Variants in IGF2BP2 observed in about 807,000 individuals in gnomAD.
IGF2BP2 encodes the protein insulin like growth factor 2 mRNA binding protein 2.
Under a neutral mutation model 75.8 loss-of-function variants are expected in IGF2BP2, and 17 were observed. The observed-to-expected ratio is 0.22, with a 90% confidence interval of 0.15 to 0.34. The LOEUF (loss-of-function observed/expected upper bound fraction) is 0.34, where lower values mean the gene tolerates loss of function less well. Among genes scored for constraint, IGF2BP2 ranks in the 10% least tolerant of loss-of-function variants. The pLI is 1.00. For missense variants in IGF2BP2, 516 were observed against 772.4 expected (o/e 0.67, Z 3.93); for synonymous variants, 288 against 295.6 (o/e 0.97, Z 0.26).
intron 2 of IGF2BP2, among the ~76,000 whole-genome samples, chr3:185,802,189 G>A (rs1217616188): frequency 6.6e-6 from 1 of 151,264 alleles, no homozygotes; most frequent in Non-Finnish European, 1.5e-5. Context: ...AAAAAAAAAA[G>A]AAATCTGGAA....
chr3:185,730,363 C>G (rs182137887), intron 2 of IGF2BP2, among the ~76,000 whole-genome samples: 327 of 151,910 alleles, frequency 2.2e-3, no homozygotes, highest in African/African-American at 7.6e-3. Context: ...TTGATGGGCA[C>G]CCAGGTTGAT....
chr3:185,797,920 A>AT (rs1737656651), intron 2 of IGF2BP2, among the ~76,000 whole-genome samples: 2 of 127,626 alleles, frequency 1.6e-5, no homozygotes, highest in East Asian at 4.4e-4. Flanking sequence ...AAAAAAAAAA[A>AT]GCCGGGCGTG....
At chr3:185,709,220 A>G (rs139277190) in intron 2 of IGF2BP2, among the ~76,000 whole-genome samples, 19 of 152,246 alleles carry the variant, frequency 1.2e-4, no homozygotes, top group African/African-American at 4.6e-4. Flanking sequence ...AGAGGGTCAC[A>G]TGCCCAAACA....
At position 185,647,617 on chromosome 3, in the gene IGF2BP2, A is replaced by C. The variant is rs746040200; in HGVS notation, c.1594-479T>G. Among the ~76,000 whole-genome samples the C allele has an allele frequency of 1.2e-4, 19 of 152,066 alleles. No homozygotes were observed. The highest frequency in any genetic ancestry group is 1.3e-4 in the Admixed American group (2 of 15,258). Reference sequence around the variant, plus strand: ...CTCCTCGTTTTCACTCCTGCCGCCAAGACTTGCTCATGCTGTTCCTACCCT... The same window carrying C: ...CTCCTCGTTTTCACTCCTGCCGCCACGACTTGCTCATGCTGTTCCTACCCT... On this transcript the variant is annotated intron_variant, in intron 14 of 15. Transcript: ENST00000382199. The surrounding 1 kb of genome is among the most constrained non-coding windows in gnomAD (Gnocchi z 4.9).
intron 2 of IGF2BP2, among the ~76,000 whole-genome samples, chr3:185,787,691 C>T (rs1736085651): frequency 6.6e-6 from 1 of 151,854 alleles, no homozygotes; most frequent in African/African-American, 2.4e-5. Flanking sequence ...TAAGATCACA[C>T]CACTGCACTC....
At chr3:185,743,503 T>A (rs113858788) in intron 2 of IGF2BP2, among the ~76,000 whole-genome samples, 1 of 152,026 alleles carries the variant, frequency 6.6e-6, no homozygotes, top group South Asian at 2.1e-4. Flanking sequence ...CTCAAACTCC[T>A]GACCTCAGGT....
At chr3:185,661,758 T>C (rs941953552) in intron 10 of IGF2BP2, among the ~76,000 whole-genome samples, 2 of 151,900 alleles carry the variant, frequency 1.3e-5, no homozygotes, top group Non-Finnish European at 2.9e-5. Flanking sequence ...ATGGAGCTTG[T>C]GTTCTACCGG....
chr3:185,661,350 T>C (rs1365729212), intron 10 of IGF2BP2, among the ~76,000 whole-genome samples: 1 of 152,120 alleles, frequency 6.6e-6, no homozygotes, highest in Non-Finnish European at 1.5e-5. Context: ...TCAAAAGGCA[T>C]TTGAGGCTGG....
chr3:185,729,628 A>T (rs1294879179), intron 2 of IGF2BP2: 1 of 152,238 alleles, frequency 6.6e-6, no homozygotes, highest in Non-Finnish European at 1.5e-5. Flanking sequence ...CTGCATTAGT[A>T]AAAAATTTTA....
intron 10 of IGF2BP2, among the ~76,000 whole-genome samples, chr3:185,664,776 A>T (rs1717020975): frequency 6.6e-6 from 1 of 152,080 alleles, no homozygotes; most frequent in African/African-American, 2.4e-5. Flanking sequence ...GACAGACACA[A>T]AGAGTAGAGT....
chr3:185,730,078 T>C (rs191176640), intron 2 of IGF2BP2, among the ~76,000 whole-genome samples: 52 of 152,312 alleles, frequency 3.4e-4, no homozygotes, highest in African/African-American at 1.1e-3. Flanking sequence ...ATCACTCAAA[T>C]AGTGAACACT....
intron 2 of IGF2BP2, among the ~76,000 whole-genome samples, chr3:185,808,078 G>C (rs1367687545): frequency 6.7e-6 from 1 of 149,548 alleles, no homozygotes; most frequent in Non-Finnish European, 1.5e-5. Context: ...CTGGGAGTTC[G>C]AGTCCAGCCT....
intron 13 of IGF2BP2, among the ~76,000 whole-genome samples, 153 bp downstream of exon 13, chr3:185,651,941 A>G (rs1289883424): frequency 6.6e-6 from 1 of 152,130 alleles, no homozygotes; most frequent in South Asian, 2.1e-4. Context: ...ATGCAGAAGA[A>G]CAGCCAGGGA....
chr3:185,662,014 GT>G (rs1298436924), intron 10 of IGF2BP2, among the ~76,000 whole-genome samples: 1 of 152,144 alleles, frequency 6.6e-6, no homozygotes, highest in Non-Finnish European at 1.5e-5. Flanking sequence ...GTGAATGAGG[GT>G]TAGCAGGATG....
At chr3:185,665,189 A>T (rs1717118459) in intron 10 of IGF2BP2, among the ~76,000 whole-genome samples, 1 of 140,082 alleles carries the variant, frequency 7.1e-6, no homozygotes, top group African/African-American at 2.7e-5. Flanking sequence ...AAAAAAAAAG[A>T]GGAGAAGAAG....
chr3:185,654,166 G>C (rs1715052896), intron 12 of IGF2BP2, among the ~76,000 whole-genome samples: 1 of 152,228 alleles, frequency 6.6e-6, no homozygotes, highest in Admixed American at 6.5e-5. Context: ...GGTGGATGCG[G>C]ATAAATGTGA....
chr3:185,765,665 T>C (rs961955689), intron 2 of IGF2BP2, among the ~76,000 whole-genome samples: 3 of 152,222 alleles, frequency 2.0e-5, no homozygotes, highest in Non-Finnish European at 4.4e-5. Context: ...CAAGGGAGTG[T>C]AGACCAGGCT....
intron 2 of IGF2BP2, among the ~76,000 whole-genome samples, chr3:185,779,542 T>C (rs769196396): frequency 7.2e-5 from 11 of 152,140 alleles, no homozygotes; most frequent in Non-Finnish European, 1.5e-4. Flanking sequence ...TTCCACACAA[T>C]GCTAAAAAAT....
chr3:185,823,552 C>T (rs9867882), intron 1 of IGF2BP2, among the ~76,000 whole-genome samples: 2,951 of 152,238 alleles, frequency 0.019, 95 homozygotes, highest in African/African-American at 0.066. Context: ...CCCCGCTGCT[C>T]TCCCGGCCCC....
Sources: allele counts gnomAD v4.1 joint callset (sites outside exome capture counted in the v4.1 genomes callset), GRCh38; gene constraint gnomAD v4.1.1; non-coding constraint Gnocchi (gnomAD v3.1); transcripts MANE v1.5; gene names NCBI Gene and HGNC (gene_info 2026-07-23, HGNC 2026-07-21).